Variants in VPS13B observed in about 807,000 individuals in gnomAD.
VPS13B encodes vacuolar protein sorting 13 homolog B.
VPS13B carries 285 observed loss-of-function variants against 426.4 expected under a neutral mutation model. The ratio of observed to expected loss-of-function variants is 0.67; its 90% CI spans 0.61 to 0.74. The LOEUF (loss-of-function observed/expected upper bound fraction) is 0.74. Ranked by LOEUF, VPS13B falls within the 30% of genes least tolerant of loss-of-function variation. The pLI is 0.00. For missense variants in VPS13B, 4,537 were observed against 4,782.6 expected, an observed-to-expected ratio of 0.95 and a Z score of 1.51; for synonymous variants, 1,676 against 1,676.4, an observed-to-expected ratio of 1.00 and a Z score of 0.01.
chr8:99,325,570 C>G (rs1810207747), intron 19 of VPS13B, among the ~76,000 whole-genome samples: 2 of 152,124 alleles, frequency 1.3e-5, no homozygotes, highest in Admixed American at 1.3e-4. Context: ...GCAACCTTAG[C>G]AGTATAATTC....
intron 2 of VPS13B, among the ~76,000 whole-genome samples, chr8:99,022,977 C>A (rs1305072812): frequency 6.0e-5 from 9 of 150,930 alleles, no homozygotes; most frequent in Admixed American, 5.3e-4. Context: ...GATTTGAGAT[C>A]TCTCTCTTTT....
intron 21 of VPS13B, chr8:99,424,156 TA>T (rs773141868): frequency 7.2e-5 from 11 of 152,194 alleles, no homozygotes; most frequent in Admixed American, 2.0e-4. Context: ...CCTTTACCAT[TA>T]TGTAATGGCC....
intron 15 of VPS13B, among the ~76,000 whole-genome samples, chr8:99,161,962 GCCTCAAATTGATCCTCCCACCTCGA>G (rs1811683483): frequency 6.6e-6 from 1 of 151,980 alleles, no homozygotes. Flanking sequence ...CGAACTCTTG[GCCTCAAATTGATCCTCCCACCTCGA>G]CCTCCCAAAG....
chr8:99,061,787 C>G (rs938773936), intron 3 of VPS13B, among the ~76,000 whole-genome samples: 1 of 152,088 alleles, frequency 6.6e-6, no homozygotes, highest in African/African-American at 2.4e-5. Context: ...CTCTTCATGT[C>G]CTGTCATGAT....
At chr8:99,613,655 G>A (rs1056614002) in intron 33 of VPS13B, 2 of 152,320 alleles carry the variant, frequency 1.3e-5, no homozygotes, top group African/African-American at 2.4e-5. Context: ...TACCATAAAT[G>A]TCAAAGCACC....
chr8:99,566,923 G>T (rs898707489), intron 31 of VPS13B, among the ~76,000 whole-genome samples: 2 of 152,094 alleles, frequency 1.3e-5, no homozygotes, highest in African/African-American at 4.8e-5. Context: ...ATGAATGACA[G>T]GGTCTCACTG....
At position 99,631,024 on chromosome 8, in the gene VPS13B, G is replaced by A. The variant is rs985593028; in HGVS notation, c.5221-10787G>A. On this transcript the variant is annotated intron_variant, in intron 33 of 61. Transcript: ENST00000357162. ...TGGATAGGTGATGTTTTTGGTAAAA[G>A]ACATTAAAAATGTTATGATGCATTA... 2.6e-5 allele frequency among the ~76,000 whole-genome samples: 4 copies of A among 152,086 alleles called. No individual in the cohort carries two copies. The East Asian group carries it at 7.7e-4, about 29-fold the overall frequency.
At chr8:99,643,183 A>G (rs1829440425) in intron 34 of VPS13B, among the ~76,000 whole-genome samples, 1 of 152,184 alleles carries the variant, frequency 6.6e-6, no homozygotes, top group African/African-American at 2.4e-5. Context: ...AAGCAAGGTG[A>G]CAGTATACCC....
chr8:99,424,965 A>C (rs1816607105), intron 21 of VPS13B, among the ~76,000 whole-genome samples: 1 of 152,232 alleles, frequency 6.6e-6, no homozygotes, highest in Non-Finnish European at 1.5e-5. Flanking sequence ...GAAAATCTAG[A>C]AGAAATGGAT....
In VPS13B at chr8:99,474,183, A is replaced by ATTTTTTTTTTTTTTTTTTTT. The variant is rs34752686; in HGVS notation, c.3666+6550_3666+6569dup. 9.4e-4 allele frequency among the ~76,000 whole-genome samples: 118 copies of ATTTTTTTTTTTTTTTTTTTT among 124,936 alleles called. 4 individuals carry two copies. Among genetic ancestry groups the ATTTTTTTTTTTTTTTTTTTT allele is most frequent in the African/African-American group, 2.4e-3 (74 of 30,740 alleles). The allele number at this position is 124,936 out of a possible 152,430, so 82.0% of individuals were successfully genotyped here. A position where few individuals can be genotyped will look rare whatever the true frequency, so the allele number is the denominator to read the frequency against. ...TCTTCAAACAATGGACTGTTATCCA[A>ATTTTTTTTTTTTTTTTTTTT]TTTTTTTTTTTTTTTTTTTTGTGGA... On this transcript the variant is annotated intron_variant, in intron 24 of 61. Transcript: ENST00000357162.
chr8:99,402,065 A>T (rs73702012), intron 21 of VPS13B, among the ~76,000 whole-genome samples: 3,350 of 152,220 alleles, frequency 0.022, 121 homozygotes, highest in African/African-American at 0.075. Context: ...AAAGTTTAGC[A>T]TTACCTAGAG....
At chr8:99,313,178 G>T (rs201806689) in intron 19 of VPS13B, among the ~76,000 whole-genome samples, 1 of 152,142 alleles carries the variant, frequency 6.6e-6, no homozygotes, top group African/African-American at 2.4e-5. Context: ...CGTCAAAGTC[G>T]TTCTCCATCC....
chr8:99,856,698 A>G (rs1816567396), intron 56 of VPS13B, among the ~76,000 whole-genome samples: 1 of 152,094 alleles, frequency 6.6e-6, no homozygotes, highest in Non-Finnish European at 1.5e-5. Context: ...AAAATTAGCC[A>G]GGTGTGGGGG....
intron 19 of VPS13B, among the ~76,000 whole-genome samples, chr8:99,285,569 G>A (rs757873040): frequency 7.2e-5 from 11 of 152,004 alleles, no homozygotes; most frequent in Admixed American, 2.6e-4. Flanking sequence ...GATCAAAAAG[G>A]TACCAGTATT....
At chr8:99,835,372 T>C in intron 53 of VPS13B, 48 bp downstream of exon 53, 2 of 1,587,150 alleles carry the variant, frequency 1.3e-6, no homozygotes, top group Non-Finnish European at 8.6e-7. Flanking sequence ...GTGTATTTTT[T>C]CTGGGATTTT....
chr8:99,413,950 G>T (rs953832956), intron 21 of VPS13B, among the ~76,000 whole-genome samples: 10 of 152,150 alleles, frequency 6.6e-5, no homozygotes, highest in African/African-American at 2.4e-4. Flanking sequence ...GGTCTGCTTG[G>T]TCCAGAGCTG....
Position 99,518,817 on chromosome 8 carries a change from G to A in VPS13B, c.4634-2082G>A, listed in dbSNP as rs568255108. On this transcript the variant is annotated intron_variant, in intron 29 of 61. Coordinates refer to ENST00000357162, the MANE Select transcript of VPS13B (RefSeq NM_152564.5). ...TGGAAATACAGCTGGAAATAATCTC[G>A]TAGCTTTTGCATTCTTTGGGCACCA... Among the ~76,000 whole-genome samples the A allele has an allele frequency of 6.0e-4, 91 of 152,212 alleles. 1 individual carries two copies. Among genetic ancestry groups the A allele is most frequent in the Non-Finnish European group, 1.1e-3 (72 of 67,980 alleles).
At chr8:99,032,174 C>T (rs1255638477) in intron 2 of VPS13B, among the ~76,000 whole-genome samples, 2 of 152,220 alleles carry the variant, frequency 1.3e-5, no homozygotes, top group Non-Finnish European at 2.9e-5. Flanking sequence ...CCCCTTTATG[C>T]TGACATGTGG....
At chr8:99,177,899 T>A (rs543416648) in intron 16 of VPS13B, among the ~76,000 whole-genome samples, 2 of 152,216 alleles carry the variant, frequency 1.3e-5, no homozygotes. Flanking sequence ...TGGGAAAATA[T>A]TATCCTGTGA....
Sources: gnomAD v4.1 joint callset for allele counts (sites outside exome capture counted in the v4.1 genomes callset) on GRCh38, gnomAD v4.1.1 for gene constraint, MANE v1.5 for transcripts, NCBI Gene and HGNC (gene_info 2026-07-23, HGNC 2026-07-21) for gene names.